BUB1B: variants seen among roughly 807,000 people sequenced by gnomAD.
BUB1B encodes BUB1 mitotic checkpoint serine/threonine kinase B, also known as mitotic checkpoint serine/threonine-protein kinase BUB1 beta.
BUB1B carries 86 observed loss-of-function variants against 137.7 expected under a neutral mutation model. That is an observed-to-expected ratio of 0.62 (90% CI 0.52 to 0.75). The LOEUF (loss-of-function observed/expected upper bound fraction) is 0.75, where lower values mean the gene tolerates loss of function less well. BUB1B is among the 30% of genes least tolerant of loss of function. The probability of loss-of-function intolerance (pLI) is 0.00; values close to 1 mark genes in which losing one functional copy is unlikely to be tolerated. For synonymous variants in BUB1B, 420 were observed against 417.9 expected (o/e 1.00, Z -0.06); for missense variants, 1,130 against 1,236.9 (o/e 0.91, Z 1.30).
chr15:40,166,234 C>T (rs1043903570), intron 2 of BUB1B: 1 of 336,402 alleles, frequency 3.0e-6, no homozygotes, highest in Admixed American at 4.3e-5. Context: ...TATTTATTCA[C>T]CAATTGATGA....
chr15:40,182,810 T>G (rs1239178149), intron 5 of BUB1B, among the ~76,000 whole-genome samples: 1 of 152,150 alleles, frequency 6.6e-6, no homozygotes, highest in Non-Finnish European at 1.5e-5. Context: ...TACATTCACA[T>G]ACCACCACTG....
intron 2 of BUB1B, among the ~76,000 whole-genome samples, chr15:40,169,609 C>CTTTTTTTTTTTTTTTT (rs893767898): frequency 4.1e-5 from 4 of 96,938 alleles, no homozygotes; most frequent in East Asian, 2.8e-4. Context: ...TATTTCTATT[C>CTTTTTTTTTTTTTTTT]TTTTTTTTTT....
At chr15:40,183,313 A>G (rs186395130) in intron 5 of BUB1B, among the ~76,000 whole-genome samples, 35 of 152,330 alleles carry the variant, frequency 2.3e-4, no homozygotes, top group African/African-American at 8.2e-4. Context: ...GTATAGAAAA[A>G]GAGACACAGT....
At chr15:40,209,239 G>A (rs1305204894) in intron 16 of BUB1B, among the ~76,000 whole-genome samples, 1 of 151,966 alleles carries the variant, frequency 6.6e-6, no homozygotes, top group Non-Finnish European at 1.5e-5. Flanking sequence ...GCTAACATGG[G>A]GAAACCCCAA....
chr15:40,209,840 T>C (rs2037688112), intron 17 of BUB1B, 65 bp downstream of exon 17: 1 of 1,574,502 alleles, frequency 6.4e-7, no homozygotes, highest in African/African-American at 1.4e-5. Context: ...TTATTTGTAC[T>C]TAAGCTTGAT....
At chr15:40,186,761 G>A (rs2037370587) in intron 8 of BUB1B, among the ~76,000 whole-genome samples, 1 of 151,926 alleles carries the variant, frequency 6.6e-6, no homozygotes, top group African/African-American at 2.4e-5. Flanking sequence ...CTAATACTAG[G>A]TTGAATTCTG....
At position 40,196,741 on chromosome 15, in the gene BUB1B, G is replaced by T. The variant is rs2037503291; in HGVS notation, c.1255G>T (p.Val419Phe). Residue 419 changes from valine to phenylalanine, a missense_variant, in exon 9 of 23, where the codon GTT becomes TTT. Val to Phe is a conservative substitution (Grantham distance 50, BLOSUM62 -1). Coordinates refer to ENST00000287598, the MANE Select transcript of BUB1B (RefSeq NM_001211.6). Reference protein sequence around the residue: ...EFSFEEIRAEVFRKKLKEQRE... With the variant: ...EFSFEEIRAEFFRKKLKEQRE... Reference sequence around the variant, plus strand: ...CTCCTTTGAAGAAATTCGGGCTGAAGTTTTCCGGAAGAAATTAAAAGAGCA... The same window carrying T: ...CTCCTTTGAAGAAATTCGGGCTGAATTTTTCCGGAAGAAATTAAAAGAGCA... 1 of 1,614,010 alleles carries T rather than the reference G, an allele frequency of 6.2e-7. No homozygotes were observed. Among genetic ancestry groups the T allele is most frequent in the Non-Finnish European group, 8.5e-7 (1 of 1,179,886 alleles).
rs2140898529 is a variant in BUB1B at position 40,196,745 on chromosome 15, T to C, written c.1259T>C (p.Phe420Ser). The C allele has an allele frequency of 6.2e-7, 1 of 1,614,060 alleles. No homozygotes were observed. The highest frequency in any genetic ancestry group is 8.5e-7 in the Non-Finnish European group (1 of 1,179,910). ...TTTGAAGAAATTCGGGCTGAAGTTT[T>C]CCGGAAGAAATTAAAAGAGCAAAGG... ...FSFEEIRAEV[F>S]RKKLKEQREA... is the part of the protein sequence containing the mutation. The change falls in exon 9 of 23, where the codon TTC (phenylalanine) becomes TCC (serine). Residue 420 changes from phenylalanine (F) to serine (S), a missense_variant. Transcript: ENST00000287598.
intron 2 of BUB1B, among the ~76,000 whole-genome samples, chr15:40,169,124 A>C (rs1386604599): frequency 6.6e-6 from 1 of 152,088 alleles, no homozygotes; most frequent in Non-Finnish European, 1.5e-5. Flanking sequence ...CTTATTACCT[A>C]ATTCTTCCCC....
chr15:40,165,434 C>T lies in BUB1B; in HGVS notation c.179+238C>T, dbSNP rs1845477. Among the ~76,000 whole-genome samples the T allele has an allele frequency of 0.42, 63,800 of 151,998 alleles. 15,744 individuals carry two copies. The highest frequency in any genetic ancestry group is 0.56 in the Non-Finnish European group (37,893 of 67,968). On this transcript the variant is annotated intron_variant, in intron 2 of 22. Coordinates refer to ENST00000287598, the MANE Select transcript of BUB1B (RefSeq NM_001211.6). Reference sequence around the variant, plus strand: ...TGTGGTGCAGCGAAACTCTTTTTATCAATAGAAATACATTTTATACAGGGG... The same window carrying T: ...TGTGGTGCAGCGAAACTCTTTTTATTAATAGAAATACATTTTATACAGGGG...
chr15:40,179,548 G>T (rs1357085155), intron 5 of BUB1B, among the ~76,000 whole-genome samples: 3 of 151,966 alleles, frequency 2.0e-5, no homozygotes, highest in Non-Finnish European at 4.4e-5. Flanking sequence ...AAATAGTTGG[G>T]TCTTGTTTTT....
intron 8 of BUB1B, among the ~76,000 whole-genome samples, chr15:40,195,003 A>G (rs914716420): frequency 6.6e-6 from 1 of 152,070 alleles, no homozygotes; most frequent in African/African-American, 2.4e-5. Flanking sequence ...TTACATTTCA[A>G]TAGGTTTTGG....
rs1037175607 is a variant in BUB1B at position 40,183,719 on chromosome 15, T to A, written c.587T>A (p.Phe196Tyr). ...LERLQSQHRQ[F>Y]QARVSRQTLL... ...TGTGCATTCTGCTACTTTAGACAAT[T>A]CCAAGCTCGAGTGTCTCGGCAAACT... The change falls in exon 6 of 23, where the codon TTC (phenylalanine) becomes TAC (tyrosine). Residue 196 changes from phenylalanine (F) to tyrosine (Y), a missense_variant. Transcript: ENST00000287598. 6.2e-7 allele frequency: 1 copy of A among 1,613,904 alleles called. No homozygotes were observed. Among genetic ancestry groups the A allele is most frequent in the African/African-American group, 1.3e-5 (1 of 74,918 alleles).
rs1459617894 is a variant in BUB1B at position 40,193,884 on chromosome 15, G to A, written c.1059-2661G>A. Among the ~76,000 whole-genome samples, 101 of 141,636 alleles carry A rather than the reference G, an allele frequency of 7.1e-4. 1 individual carries two copies. Among genetic ancestry groups the A allele is most frequent in the Non-Finnish European group, 1.8e-4 (12 of 66,376 alleles). 92.9% of individuals were successfully genotyped at this position (141,636 alleles called of 152,430 possible). On this transcript the variant is annotated intron_variant, in intron 8 of 22. Coordinates refer to ENST00000287598, the MANE Select transcript of BUB1B (RefSeq NM_001211.6). Reference sequence around the variant, plus strand: ...ACTCCAGCCTGGGTGACAAGAGCAAGATTCTGTCTAAAAAAAAAAAAAAAA... The same window carrying A: ...ACTCCAGCCTGGGTGACAAGAGCAAAATTCTGTCTAAAAAAAAAAAAAAAA...
chr15:40,201,003 GAGA>G (rs2037561448), intron 12 of BUB1B, 23 bp downstream of exon 12: 1 of 1,607,104 alleles, frequency 6.2e-7, no homozygotes, highest in Non-Finnish European at 8.5e-7. Context: ...TGACAGCCTT[GAGA>G]AGAACTTGCT....
intron 1 of BUB1B, among the ~76,000 whole-genome samples, chr15:40,161,694 A>G (rs956439242): frequency 2.0e-5 from 3 of 152,220 alleles, no homozygotes; most frequent in African/African-American, 7.2e-5. Flanking sequence ...TGCTATGCCA[A>G]TAGCACAGAG....
chr15:40,190,193 G>A (rs1252599972), intron 8 of BUB1B, among the ~76,000 whole-genome samples: 1 of 152,220 alleles, frequency 6.6e-6, no homozygotes, highest in Non-Finnish European at 1.5e-5. Context: ...TTTGAGGTAT[G>A]ACAGCAAAAC....
At chr15:40,210,088 T>C in intron 17 of BUB1B, 22 bp from the exon 18 acceptor site, 2 of 1,561,126 alleles carry the variant, frequency 1.3e-6, no homozygotes, top group South Asian at 2.2e-5. Flanking sequence ...GATTTTTAAA[T>C]GGAATCAAAC....
At chr15:40,218,763 A>G (rs1299911728) in intron 22 of BUB1B, among the ~76,000 whole-genome samples, 1 of 152,240 alleles carries the variant, frequency 6.6e-6, no homozygotes, top group Non-Finnish European at 1.5e-5. Flanking sequence ...ATTCAAAACT[A>G]TTCAGACTTC....
Sources: gnomAD v4.1 joint callset for allele counts (sites outside exome capture counted in the v4.1 genomes callset) on GRCh38, gnomAD v4.1.1 for gene constraint, MANE v1.5 for transcripts, NCBI Gene and HGNC (gene_info 2026-07-23, HGNC 2026-07-21) for gene names.